The following BDP1 variants were observed in gnomAD, a reference collection of about 807,000 sequenced individuals.
The protein encoded by BDP1 is transcription factor TFIIIB component B'' homolog.
A neutral mutation model predicts 266.6 loss-of-function variants in BDP1; 169 were observed. The observed-to-expected ratio is 0.63, with a 90% CI of 0.56 to 0.72. BDP1 has a LOEUF of 0.72. BDP1 is among the 30% of genes least tolerant of loss of function. The pLI is 0.00. For missense variants in BDP1, 3,015 were observed against 3,053.8 expected, an observed-to-expected ratio of 0.99 and a Z score of 0.30; for synonymous variants, 1,090 against 1,022.4, an observed-to-expected ratio of 1.07 and a Z score of -1.26.
rs1264327406 is a variant in BDP1, at chr5:71,512,244, A to G, written c.4063A>G (p.Ile1355Val). The G allele has an allele frequency of 2.0e-5, 30 of 1,474,698 alleles. No homozygotes were observed. The Admixed American group carries it at 7.6e-4, about 37-fold the overall frequency. The allele number at this position is 1,474,698 out of a possible 1,614,324, so 91.4% of individuals were successfully genotyped here. A position where few individuals can be genotyped will look rare whatever the true frequency, so the allele number is the denominator to read the frequency against. Residue 1355 changes from isoleucine to valine, a missense_variant, in exon 18 of 39, where the codon ATT (isoleucine) becomes GTT (valine). Physicochemically the swap from Ile to Val is conservative, Grantham distance 29 (BLOSUM62 3). This residue lies in a region of BDP1 where 2,383 missense variants were observed against 2,404.9 expected (regional missense o/e 0.99). Coordinates refer to ENST00000358731, the MANE Select transcript of BDP1 (RefSeq NM_018429.3). ...SAVPSLDIQN[I>V]SSEVLSMMHT... ...TTTACTATGACTGTTCCTCTAGAAC[A>G]TTAGCAGTGAAGTACTGTCGATGAT...
At chr5:71,487,391 G>A (rs1344083974) in intron 9 of BDP1, among the ~76,000 whole-genome samples, 1 of 152,000 alleles carries the variant, frequency 6.6e-6, no homozygotes, top group East Asian at 1.9e-4. Flanking sequence ...ACAGGTGCCC[G>A]TCACCACACC....
chr5:71,535,224 C>G (rs915112261), intron 26 of BDP1, among the ~76,000 whole-genome samples: 9 of 147,598 alleles, frequency 6.1e-5, no homozygotes, highest in African/African-American at 2.3e-4. Context: ...TTTTTAAAGA[C>G]AGAGTCTCAC....
chr5:71,458,504 C>A, intron 1 of BDP1, 75 bp from the exon 2 acceptor site: 1 of 1,119,682 alleles, frequency 8.9e-7, no homozygotes, highest in African/African-American at 1.6e-5. Flanking sequence ...TGGATTTTCA[C>A]CAGACTAGGT....
At position 71,525,304 on chromosome 5, in the gene BDP1, G is replaced by A. The variant is rs1306351892; in HGVS notation, c.5772+981G>A. ...TCCCTCCCGGACGGGGCGGCTGGCCGGGCAGAGGGGCTCCTCACTTCCCAG... is the reference window on the plus strand; with the variant it reads ...TCCCTCCCGGACGGGGCGGCTGGCCAGGCAGAGGGGCTCCTCACTTCCCAG... On this transcript the variant is annotated intron_variant, in intron 25 of 38. Coordinates refer to ENST00000358731, the MANE Select transcript of BDP1 (RefSeq NM_018429.3). Among the ~76,000 whole-genome samples, 552 of 146,870 alleles carry A rather than the reference G, an allele frequency of 3.8e-3. 3 individuals carry two copies. The highest frequency in any genetic ancestry group is 0.013 in the African/African-American group (518 of 40,154).
chr5:71,571,051 A>T (rs533146250), downstream of BDP1, among the ~76,000 whole-genome samples: 59 of 152,388 alleles, frequency 3.9e-4, no homozygotes, highest in East Asian at 2.7e-3. Context: ...CTATTTATAT[A>T]GCATTCATAT....
chr5:71,542,470 AT>A (rs1227212655), intron 30 of BDP1, among the ~76,000 whole-genome samples: 15 of 152,252 alleles, frequency 9.9e-5, no homozygotes, highest in Admixed American at 8.5e-4. Flanking sequence ...CATTTGTTTG[AT>A]CAATTTTTTG....
At chr5:71,547,809 A>G (rs1204125406) in intron 32 of BDP1, among the ~76,000 whole-genome samples, 1 of 152,042 alleles carries the variant, frequency 6.6e-6, no homozygotes, top group Non-Finnish European at 1.5e-5. Context: ...TTAGCTGGGC[A>G]TGGTGGTGTG....
intron 32 of BDP1, among the ~76,000 whole-genome samples, chr5:71,547,785 T>G (rs1373552611): frequency 6.6e-6 from 1 of 151,828 alleles, no homozygotes; most frequent in Non-Finnish European, 1.5e-5. Context: ...CTGTCTCTAC[T>G]AAAAATACAA....
In BDP1 at chr5:71,455,911, A is replaced by C; in HGVS notation, c.34A>C (p.Asn12His). The C allele has an allele frequency of 6.2e-7, 1 of 1,607,036 alleles. No homozygotes were observed. Among genetic ancestry groups the C allele is most frequent in the Non-Finnish European group, 8.5e-7 (1 of 1,177,028 alleles). The change falls in exon 1 of 39, where the codon AAT becomes CAT. Residue 12 changes from asparagine (N) to histidine (H), a missense_variant. Around this residue, in one of 3 missense-constraint regions of BDP1, gnomAD observed 2,383 missense variants for 2,404.9 expected, o/e 0.99. Transcript: ENST00000358731. ...FRRARLSVKP[N>H]VRPGVGARGS... is the part of the protein sequence containing the mutation. ...CAGGGCACGCCTTAGCGTGAAGCCG[A>C]ATGTCAGGCCTGGTGTAGGCGCCAG... is the stretch of plus-strand genomic sequence containing the variant.
At chr5:71,466,635 A>C (rs915696864) in intron 5 of BDP1, among the ~76,000 whole-genome samples, 2 of 152,204 alleles carry the variant, frequency 1.3e-5, no homozygotes, top group Non-Finnish European at 2.9e-5. Flanking sequence ...ATGTAGGTTT[A>C]ACATATTTTA....
chr5:71,538,969 T>C (rs1766796659), intron 26 of BDP1, 73 bp from the exon 27 acceptor site: 3 of 955,472 alleles, frequency 3.1e-6, no homozygotes, highest in East Asian at 2.5e-5. Context: ...CCTCTGAAAA[T>C]GTAGTGCATG....
chr5:71,485,818 G>A (rs1387710262), intron 8 of BDP1, among the ~76,000 whole-genome samples: 1 of 152,144 alleles, frequency 6.6e-6, no homozygotes, highest in Admixed American at 6.6e-5. Context: ...TAGGGCATAT[G>A]GTGGTGAACA....
At position 71,541,272 on chromosome 5, in the gene BDP1, T is replaced by A. The variant is rs554863812; in HGVS notation, c.6023-182T>A. 3.3e-5 allele frequency among the ~76,000 whole-genome samples: 5 copies of A among 152,294 alleles called. No homozygotes were observed. In the South Asian group the frequency reaches 1.0e-3, roughly 32 times the overall value. ...AAATCCCTGGCATGAAATAGGGAGA[T>A]CATAAATTTACAGCCAACAAGGGCA... On this transcript the variant is annotated intron_variant, in intron 28 of 38. Transcript: ENST00000358731.
intron 33 of BDP1, 108 bp from the exon 34 acceptor site, chr5:71,549,312 T>C: frequency 2.2e-6 from 2 of 913,384 alleles, no homozygotes; most frequent in Non-Finnish European, 1.6e-6. Flanking sequence ...TTATTTAGTC[T>C]TGATGATAAG....
chr5:71,458,763 A>G lies in BDP1; in HGVS notation c.397A>G (p.Thr133Ala), dbSNP rs762084509. 2.3e-5 allele frequency: 37 copies of G among 1,614,040 alleles called. No homozygotes were observed. The highest frequency in any genetic ancestry group is 3.0e-5 in the Non-Finnish European group (35 of 1,180,002). ...QEAPQPTATS[T>A]KEKQPCSDRY... The stretch of plus-strand genomic sequence containing the variant: ...GGCTCCACAGCCAACTGCCACTTCA[A>G]CAAAAGAGAAACAGCCATGCTCAGA... Residue 133 changes from threonine to alanine, a missense_variant, in exon 2 of 39, where the codon ACA becomes GCA. This residue lies in a region of BDP1 where 2,383 missense variants were observed against 2,404.9 expected (regional missense o/e 0.99). Transcript: ENST00000358731.
Position 71,502,602 on chromosome 5 carries a change from G to T in BDP1, c.2052G>T (p.Leu684Phe), listed in dbSNP as rs371309360. Residue 684 changes from leucine (L) to phenylalanine (F), a missense_variant, in exon 15 of 39, where the codon TTG (leucine) becomes TTT (phenylalanine). Physicochemically the swap from Leu to Phe is conservative, Grantham distance 22 (BLOSUM62 0). Transcript: ENST00000358731. ...TTTTATTTCTTTGTGGTTCTAGTTT[G>T]GGTGAAAAAAATTGTCTGCAGGAAG... ...ENPEAETVSVLGEKNCLQEGS... is the reference protein window; with the variant it reads ...ENPEAETVSVFGEKNCLQEGS... The T allele has an allele frequency of 1.2e-5, 19 of 1,587,590 alleles. No individual in the cohort carries two copies. The African/African-American group carries it at 2.3e-4, about 19-fold the overall frequency.
chr5:71,501,782 C>T (rs1764253828), intron 14 of BDP1, 129 bp downstream of exon 14: 1 of 629,640 alleles, frequency 1.6e-6, no homozygotes, highest in Admixed American at 3.0e-5. Context: ...AGTTCGTTTT[C>T]AACCATAGGT....
In BDP1 at chr5:71,524,157, G is replaced by A. The variant is rs748700749; in HGVS notation, c.5606G>A (p.Arg1869Gln). 23 of 1,613,962 alleles carry A rather than the reference G, an allele frequency of 1.4e-5. No individual in the cohort carries two copies. Among genetic ancestry groups the A allele is most frequent in the African/African-American group, 5.3e-5 (4 of 74,876 alleles). The change falls in exon 25 of 39, where the codon CGG becomes CAG. Residue 1869 changes from arginine (R) to glutamine (Q), a missense_variant. Around this residue, in one of 3 missense-constraint regions of BDP1, gnomAD observed 2,383 missense variants for 2,404.9 expected, o/e 0.99. Transcript: ENST00000358731. ...TCCAAGGCCATGCTGGTGACTCTTCGGGCTTCCCAGGAAGAAGATGATGAT... is the reference window on the plus strand; with the variant it reads ...TCCAAGGCCATGCTGGTGACTCTTCAGGCTTCCCAGGAAGAAGATGATGAT... ...RASKAMLVTL[R>Q]ASQEEDDDAD...
intron 7 of BDP1, among the ~76,000 whole-genome samples, chr5:71,480,739 T>C (rs1178419969): frequency 1.3e-5 from 2 of 151,808 alleles, no homozygotes; most frequent in African/African-American, 4.8e-5. Flanking sequence ...AATTTTTGTA[T>C]TTTTAGCAGA....
Sources: allele counts gnomAD v4.1 joint callset (sites outside exome capture counted in the v4.1 genomes callset), GRCh38; gene constraint gnomAD v4.1.1; regional missense constraint gnomAD v4.1.1; transcripts MANE v1.5; gene names NCBI Gene and HGNC (gene_info 2026-07-23, HGNC 2026-07-21).